Variants in EVC2 observed in about 807,000 individuals in gnomAD.
EVC2 encodes the protein EvC ciliary complex subunit 2, also known as limbin.
A neutral mutation model predicts 149.3 loss-of-function variants in EVC2; 148 were observed. The observed-to-expected ratio is 0.99, with a 90% CI of 0.87 to 1.14. EVC2 has a LOEUF of 1.14. Among genes scored for constraint, EVC2 ranks in the 50% most tolerant of loss-of-function variants. The pLI, the probability that EVC2 is intolerant of heterozygous loss-of-function variation, is 0.00. For synonymous variants in EVC2, 776 were observed against 649.9 expected, an observed-to-expected ratio of 1.19 and a Z score of -2.95; for missense variants, 1,854 against 1,627.3, an observed-to-expected ratio of 1.14 and a Z score of -2.40.
chr4:5,569,615 A>T lies in EVC2; in HGVS notation c.3361-975T>A, dbSNP rs1243651504. On this transcript the variant is annotated intron_variant, in intron 19 of 21. Coordinates refer to ENST00000344408, the MANE Select transcript of EVC2 (RefSeq NM_147127.5). The surrounding 1 kb of genome is among the most constrained non-coding windows in gnomAD (Gnocchi z 4.8). ...TGGGTGCCCAAAGGCCATGAGAAGG[A>T]GCAGTGTCCAGCCAGGGGCCTGTGC... 1.3e-5 allele frequency among the ~76,000 whole-genome samples: 2 copies of T among 152,034 alleles called. No homozygotes were observed. The highest frequency in any genetic ancestry group is 2.9e-5 in the Non-Finnish European group (2 of 67,968).
chr4:5,654,794 C>A (rs950644940), intron 9 of EVC2, among the ~76,000 whole-genome samples: 4 of 152,118 alleles, frequency 2.6e-5, no homozygotes, highest in Non-Finnish European at 4.4e-5. Flanking sequence ...CCCCTATGGC[C>A]ATAACTAAGC....
chr4:5,576,305 C>G lies in EVC2; in HGVS notation c.3207G>C (p.Gln1069His). 6.2e-7 allele frequency: 1 copy of G among 1,614,196 alleles called. No homozygotes were observed. The highest frequency in any genetic ancestry group is 1.3e-5 in the African/African-American group (1 of 75,030). The change falls in exon 18 of 22, where the codon CAG becomes CAC. Residue 1069 changes from glutamine (Q) to histidine (H), a missense_variant. Coordinates refer to ENST00000344408, the MANE Select transcript of EVC2 (RefSeq NM_147127.5). This position sits in a 1 kb window ranked among gnomAD's most constrained non-coding sequence, Gnocchi z 4.5. ...GGGCTTGGTGCAGGACAGTAGAGACCTGCCTTTCAGAATCCACCTCCCCAG... is the reference window on the plus strand; with the variant it reads ...GGGCTTGGTGCAGGACAGTAGAGACGTGCCTTTCAGAATCCACCTCCCCAG... Reference protein sequence around the residue: ...NEPGEVDSERQVSTVLHQALS... With the variant: ...NEPGEVDSERHVSTVLHQALS...
chr4:5,545,441 T>C (rs1172674903), intron 21 of EVC2, among the ~76,000 whole-genome samples: 1 of 152,206 alleles, frequency 6.6e-6, no homozygotes, highest in African/African-American at 2.4e-5. Flanking sequence ...TTTCCTCAGA[T>C]ATAAAAATGA....
chr4:5,565,911 T>A (rs4449367), intron 20 of EVC2, among the ~76,000 whole-genome samples: 141,497 of 152,178 alleles, frequency 0.93, 66,264 homozygotes, highest in Non-Finnish European at 0.99. Flanking sequence ...GTTGGGGGAG[T>A]CATTTGAGCA....
chr4:5,665,636 T>G lies in EVC2; in HGVS notation c.884A>C (p.His295Pro). The change falls in exon 8 of 22, where the codon CAC becomes CCC. Residue 295 changes from histidine (H) to proline (P), a missense_variant. Physicochemically the swap from His to Pro is moderately conservative, Grantham distance 77 (BLOSUM62 -2). Transcript: ENST00000344408. ...GAAGAACCCTGCTGCGTGGAGGCCG[T>G]GGTGCGGCAGAACCTGTGGAGACAA... ...AEENVTVLPH[H>P]GLHAAGFFIA... 1 of 1,614,142 alleles carries G rather than the reference T, an allele frequency of 6.2e-7. No homozygotes were observed. The highest frequency in any genetic ancestry group is 8.5e-7 in the Non-Finnish European group (1 of 1,180,016).
At chr4:5,659,896 C>T (rs925415620) in intron 9 of EVC2, among the ~76,000 whole-genome samples, 3 of 152,122 alleles carry the variant, frequency 2.0e-5, no homozygotes, top group South Asian at 2.1e-4. Flanking sequence ...ATTAAATATC[C>T]GGGTGCTGAT....
At chr4:5,631,697 A>G in intron 11 of EVC2, 96 bp downstream of exon 11, 1 of 1,535,454 alleles carries the variant, frequency 6.5e-7, no homozygotes, top group South Asian at 1.2e-5. Flanking sequence ...AGTGCACAGT[A>G]CAAAGGAGAG....
chr4:5,625,551 A>G lies in EVC2; in HGVS notation c.2046+198T>C, dbSNP rs149361469. ...TGACCCTCTGCTGTGCTTGGGCTGG[A>G]TAAGAATTGTAGCATCCTGCTGAAC... On this transcript the variant is annotated intron_variant, in intron 13 of 21. Transcript: ENST00000344408. This position sits in a 1 kb window ranked among gnomAD's most constrained non-coding sequence, Gnocchi z 4.0. Among the ~76,000 whole-genome samples the G allele has an allele frequency of 7.9e-5, 12 of 152,292 alleles. No individual in the cohort carries two copies. In the East Asian group the frequency reaches 1.9e-3, roughly 25 times the overall value.
At chr4:5,635,662 G>A (rs1011039268) in intron 10 of EVC2, among the ~76,000 whole-genome samples, 2 of 152,174 alleles carry the variant, frequency 1.3e-5, no homozygotes, top group East Asian at 1.9e-4. Flanking sequence ...AGAAAGACAG[G>A]CAAATTGTGA....
rs1195133986 is a variant in EVC2, at chr4:5,677,175, T to C, written c.870+4085A>G. Among the ~76,000 whole-genome samples the C allele has an allele frequency of 6.6e-6, 1 of 152,162 alleles. No homozygotes were observed. The highest frequency in any genetic ancestry group is 1.5e-5 in the Non-Finnish European group (1 of 68,026). On this transcript the variant is annotated intron_variant, in intron 7 of 21. Transcript: ENST00000344408. The surrounding 1 kb of genome is among the most constrained non-coding windows in gnomAD (Gnocchi z 4.3). ...TGAGTACTTTACAGCCCTTGATCCA[T>C]TTACCTCAACAACCATCCTATGAAG...
chr4:5,582,108 G>C (rs1577115073), intron 17 of EVC2, among the ~76,000 whole-genome samples: 1 of 152,348 alleles, frequency 6.6e-6, no homozygotes, highest in East Asian at 1.9e-4. Context: ...GGGAAATGTG[G>C]GGTTGGAGCC....
At chr4:5,555,581 G>T (rs13132596) in intron 21 of EVC2, among the ~76,000 whole-genome samples, 1 of 151,950 alleles carries the variant, frequency 6.6e-6, no homozygotes. Context: ...ATATGGTAAA[G>T]GGATCAATTC....
intron 9 of EVC2, among the ~76,000 whole-genome samples, chr4:5,645,162 G>A (rs7676671): frequency 0.063 from 9,635 of 151,866 alleles, 996 homozygotes; most frequent in African/African-American, 0.22. Context: ...TAAGGCTAGC[G>A]TGAATCCATA....
In EVC2 at chr4:5,622,871, C is replaced by A; in HGVS notation, c.2167G>T (p.Glu723Ter). ...LMEEHGATLE[E>*]LQERLDQAAL... ...GCCTGGTCCAGACGCTCCTGCAGCT[C>A]CTCCAGGGTGGCACCGTGCTCCTCC... The change falls in exon 14 of 22, where the codon GAG becomes TAG. Residue 723 changes from glutamate (E) to a stop codon, truncating the protein, a stop_gained. Transcript: ENST00000344408. LOFTEE classifies it high-confidence loss of function. This position sits in a 1 kb window ranked among gnomAD's most constrained non-coding sequence, Gnocchi z 5.8. The A allele has an allele frequency of 6.2e-7, 1 of 1,614,182 alleles. No homozygotes were observed. The highest frequency in any genetic ancestry group is 8.5e-7 in the Non-Finnish European group (1 of 1,180,044).
intron 12 of EVC2, among the ~76,000 whole-genome samples, chr4:5,627,005 T>C (rs944134214): frequency 3.9e-5 from 6 of 152,120 alleles, no homozygotes; most frequent in African/African-American, 1.4e-4. Context: ...CTAGTTCCTA[T>C]TTATATAGGA....
chr4:5,691,420 A>T, intron 3 of EVC2, 87 bp from the exon 4 acceptor site: 1 of 1,115,040 alleles, frequency 9.0e-7, no homozygotes, highest in Non-Finnish European at 1.3e-6. Flanking sequence ...TGAAATTTTT[A>T]CAGAGGGTAG....
intron 16 of EVC2, among the ~76,000 whole-genome samples, chr4:5,594,344 T>A (rs1245923361): frequency 1.3e-5 from 2 of 152,056 alleles, no homozygotes; most frequent in African/African-American, 4.8e-5. Flanking sequence ...GACTGACACC[T>A]CACACGGCCG....
At chr4:5,612,461 G>A (rs963133056) in intron 16 of EVC2, among the ~76,000 whole-genome samples, 6 of 152,182 alleles carry the variant, frequency 3.9e-5, no homozygotes, top group Non-Finnish European at 5.9e-5. Flanking sequence ...TGCTGGTTCA[G>A]GATCCGTAAG....
In EVC2 at chr4:5,679,529, T is replaced by C. The variant is rs1055602983; in HGVS notation, c.870+1731A>G. On this transcript the variant is annotated intron_variant, in intron 7 of 21. Transcript: ENST00000344408. This position sits in a 1 kb window ranked among gnomAD's most constrained non-coding sequence, Gnocchi z 5.1. Reference sequence around the variant, plus strand: ...CTGAGATTACAGGCATGAGCCACTATGCCTGGCCACTAAATTTATTTTAAA... The same window carrying C: ...CTGAGATTACAGGCATGAGCCACTACGCCTGGCCACTAAATTTATTTTAAA... 6.6e-6 allele frequency among the ~76,000 whole-genome samples: 1 copy of C among 152,236 alleles called. No individual in the cohort carries two copies. The highest frequency in any genetic ancestry group is 6.5e-5 in the Admixed American group (1 of 15,286).
Sources: gnomAD v4.1 joint callset for allele counts (sites outside exome capture counted in the v4.1 genomes callset) on GRCh38, gnomAD v4.1.1 for gene constraint, Gnocchi (gnomAD v3.1) non-coding constraint, MANE v1.5 for transcripts, NCBI Gene and HGNC (gene_info 2026-07-23, HGNC 2026-07-21) for gene names.